Variants in DLC1 observed in about 807,000 individuals in gnomAD.
The protein encoded by DLC1 is DLC1 Rho GTPase activating protein.
Under a neutral mutation model 140.3 loss-of-function variants are expected in DLC1, and 54 were observed. The observed-to-expected ratio is 0.38, with a 90% CI of 0.31 to 0.48. The LOEUF is 0.48. Among genes scored for constraint, DLC1 ranks in the 20% least tolerant of loss-of-function variants. DLC1 has a pLI of 0.96. For synonymous variants in DLC1, 986 were observed against 728.1 expected (o/e 1.35, Z -5.70); for missense variants, 2,536 against 1,907.0 (o/e 1.33, Z -6.14).
intron 2 of DLC1, among the ~76,000 whole-genome samples, chr8:13,494,290 G>A (rs1801400176): frequency 1.3e-5 from 2 of 152,274 alleles, no homozygotes; most frequent in East Asian, 1.9e-4. Context: ...TTACGTCTTT[G>A]ATAATAGAAC....
intron 4 of DLC1, among the ~76,000 whole-genome samples, chr8:13,374,870 T>C (rs965130912): frequency 6.6e-6 from 1 of 152,204 alleles, no homozygotes; most frequent in African/African-American, 2.4e-5. Context: ...TTCTATTTTG[T>C]TGAGCAGTGG....
intron 5 of DLC1, among the ~76,000 whole-genome samples, chr8:13,230,075 C>G (rs897070531): frequency 6.6e-6 from 1 of 152,214 alleles, no homozygotes; most frequent in Non-Finnish European, 1.5e-5. Flanking sequence ...CTTTGTTGCT[C>G]TTCCTAATGA....
chr8:13,448,941 C>G (rs1171996312), intron 2 of DLC1, among the ~76,000 whole-genome samples: 13 of 152,134 alleles, frequency 8.5e-5, no homozygotes, highest in Non-Finnish European at 1.5e-5. Context: ...TTTGGAGCAT[C>G]TGTTCTTTCC....
intron 4 of DLC1, 56 bp downstream of exon 4, chr8:13,393,496 AC>A: frequency 1.3e-6 from 2 of 1,544,774 alleles, no homozygotes; most frequent in Non-Finnish European, 1.8e-6. Flanking sequence ...ATCAACTCTT[AC>A]CTGATGATCA....
chr8:13,444,568 A>G (rs1042737868), intron 2 of DLC1, among the ~76,000 whole-genome samples: 2 of 152,214 alleles, frequency 1.3e-5, no homozygotes, highest in Non-Finnish European at 2.9e-5. Flanking sequence ...AACAAAGAAC[A>G]TTAGTATAAT....
At chr8:13,487,029 G>GC (rs1801001382) in intron 2 of DLC1, among the ~76,000 whole-genome samples, 1 of 152,136 alleles carries the variant, frequency 6.6e-6, no homozygotes, top group Admixed American at 6.6e-5. Flanking sequence ...TTATCCACCG[G>GC]CCCTCTGAGG....
In DLC1 at chr8:13,514,815, G is replaced by A; in HGVS notation, c.-339C>T. 2.5e-6 allele frequency: 1 copy of A among 394,966 alleles called. No individual in the cohort carries two copies. Among genetic ancestry groups the A allele is most frequent in the Non-Finnish European group, 4.5e-6 (1 of 224,220 alleles). The allele number at this position is 394,966 out of a possible 1,614,324, so 24.5% of individuals were successfully genotyped here. A position where few individuals can be genotyped will look rare whatever the true frequency, so the allele number is the denominator to read the frequency against. ...CTTAGCTAAGGCAGGATCCTGTCAA[G>A]GCATTCCTAGTGACTTCTGTCTACT... On this transcript the variant is annotated 5_prime_UTR_variant, in exon 1 of 18. Coordinates refer to ENST00000276297, the MANE Select transcript of DLC1 (RefSeq NM_182643.3).
chr8:13,486,405 T>C (rs1372622930), intron 2 of DLC1, among the ~76,000 whole-genome samples: 1 of 152,210 alleles, frequency 6.6e-6, no homozygotes, highest in Non-Finnish European at 1.5e-5. Context: ...TTTCCTTTCA[T>C]CATTTAAGAA....
rs1340169701 is a variant in DLC1 at position 13,581,567 on chromosome 8, G to A, written c.-126+22970C>T. ...TTTATCTAATCCAATCCATTTAAAG[G>A]TCTTTATATCCACTGTCACCCACCT... On this transcript the variant is annotated intron_variant, in intron 1 of 1. Transcript: ENST00000631382. Among the ~76,000 whole-genome samples the A allele has an allele frequency of 3.3e-5, 5 of 152,188 alleles. No homozygotes were observed. The East Asian group carries it at 7.7e-4, about 24-fold the overall frequency.
intron 4 of DLC1, among the ~76,000 whole-genome samples, chr8:13,332,877 A>C (rs926505011): frequency 3.9e-5 from 6 of 152,048 alleles, no homozygotes; most frequent in African/African-American, 1.4e-4. Flanking sequence ...TGTGTATTTG[A>C]CTGAGTCACT....
intron 1 of DLC1, chr8:13,558,439 G>A (rs1331213326): frequency 6.6e-6 from 1 of 152,150 alleles, no homozygotes; most frequent in East Asian, 1.9e-4. Context: ...TACACCTCAA[G>A]TTTGAGAATG....
At chr8:13,429,131 G>A (rs1177581719) in intron 2 of DLC1, among the ~76,000 whole-genome samples, 2 of 152,152 alleles carry the variant, frequency 1.3e-5, no homozygotes, top group Non-Finnish European at 2.9e-5. Flanking sequence ...TTCCTCAATG[G>A]CGTTTAAGGT....
At chr8:13,518,592 A>C (rs1352475897), upstream of DLC1, among the ~76,000 whole-genome samples, 5 of 152,266 alleles carry the variant, frequency 3.3e-5, no homozygotes, top group East Asian at 9.6e-4. Flanking sequence ...CTTTGAAAAT[A>C]GTGTTTTACT....
At chr8:13,268,209 T>TA (rs1002569949) in intron 5 of DLC1, among the ~76,000 whole-genome samples, 22 of 152,236 alleles carry the variant, frequency 1.4e-4, no homozygotes, top group Non-Finnish European at 2.8e-4. Context: ...TATGTCATTT[T>TA]AAAAAATATG....
chr8:13,501,946 C>G (rs977934802), intron 1 of DLC1, among the ~76,000 whole-genome samples: 28 of 152,258 alleles, frequency 1.8e-4, no homozygotes, highest in Admixed American at 1.2e-3. Context: ...ACTTTTCTCT[C>G]TTTATTTTTA....
At chr8:13,100,904 G>GTTTTTT in intron 8 of DLC1, 134 bp from the exon 9 acceptor site, 11 of 590,422 alleles carry the variant, frequency 1.9e-5, no homozygotes, top group Non-Finnish European at 2.8e-5. Context: ...TAATTTTAAA[G>GTTTTTT]TTTTTTTTTT....
At chr8:13,302,542 A>C (rs2117508566) in intron 5 of DLC1, among the ~76,000 whole-genome samples, 1 of 152,302 alleles carries the variant, frequency 6.6e-6, no homozygotes, top group Non-Finnish European at 1.5e-5. Context: ...CAGAGCAATC[A>C]CACAACTGTA....
intron 2 of DLC1, among the ~76,000 whole-genome samples, chr8:13,443,623 A>C (rs1402594903): frequency 4.1e-5 from 6 of 145,612 alleles, no homozygotes; most frequent in Non-Finnish European, 8.9e-5. Flanking sequence ...GCGCCACTGC[A>C]CTCCAGCCTA....
At chr8:13,416,184 C>T (rs1021616995) in intron 2 of DLC1, among the ~76,000 whole-genome samples, 27 of 152,150 alleles carry the variant, frequency 1.8e-4, no homozygotes, top group Admixed American at 3.3e-4. Flanking sequence ...GGTCCTGTTT[C>T]ACTGTCTTTC....
Sources: allele counts gnomAD v4.1 joint callset (sites outside exome capture counted in the v4.1 genomes callset), GRCh38; gene constraint gnomAD v4.1.1; transcripts MANE v1.5; gene names NCBI Gene and HGNC (gene_info 2026-07-23, HGNC 2026-07-21).